The following IMMP2L variants were observed in gnomAD, a reference collection of about 807,000 sequenced individuals.
IMMP2L encodes inner mitochondrial membrane peptidase subunit 2, also known as mitochondrial inner membrane protease subunit 2.
IMMP2L carries 18 observed loss-of-function variants against 19.3 expected under a neutral mutation model. The ratio of observed to expected loss-of-function variants is 0.93; its 90% CI spans 0.64 to 1.38. The LOEUF (loss-of-function observed/expected upper bound fraction) is 1.38, where lower values mean the gene tolerates loss of function less well. IMMP2L is among the 40% of genes most tolerant of loss of function. IMMP2L has a pLI of 0.00. For synonymous variants in IMMP2L, 76 were observed against 73.0 expected (o/e 1.04, Z -0.21); for missense variants, 233 against 218.2 (o/e 1.07, Z -0.43).
At chr7:110,664,173 G>A (rs1277611568) in intron 5 of IMMP2L, among the ~76,000 whole-genome samples, 1 of 152,068 alleles carries the variant, frequency 6.6e-6, no homozygotes, top group Non-Finnish European at 1.5e-5. Flanking sequence ...TATTCTCAGA[G>A]TTTCCCGCAG....
rs532391355 is a variant in IMMP2L at position 111,189,016 on chromosome 7, T to C, written c.240-225451A>G. Among the ~76,000 whole-genome samples, 152 of 152,200 alleles carry C rather than the reference T, an allele frequency of 1.0e-3. 2 individuals are homozygous for C. The highest frequency in any genetic ancestry group is 3.5e-3 in the African/African-American group (147 of 41,516). On this transcript the variant is annotated intron_variant, in intron 3 of 5. Coordinates refer to ENST00000405709, the MANE Select transcript of IMMP2L (RefSeq NM_032549.4). ...ATTCCAATAGCATCAGCCAGCTCCA[T>C]TACTGCACCTACTAGTACCGTTGAG...
intron 3 of IMMP2L, among the ~76,000 whole-genome samples, chr7:111,342,182 A>G (rs996134360): frequency 5.3e-5 from 8 of 152,208 alleles, no homozygotes; most frequent in Admixed American, 1.3e-4. Flanking sequence ...TTTGGGAGGA[A>G]GGTTAGATTT....
intron 5 of IMMP2L, among the ~76,000 whole-genome samples, chr7:110,828,514 A>G (rs1181336515): frequency 6.6e-6 from 1 of 152,158 alleles, no homozygotes; most frequent in Non-Finnish European, 1.5e-5. Flanking sequence ...TTAAATTCCA[A>G]AGAATCACTG....
chr7:110,833,344 C>T (rs930564653), intron 5 of IMMP2L, among the ~76,000 whole-genome samples: 3 of 149,114 alleles, frequency 2.0e-5, no homozygotes, highest in African/African-American at 7.4e-5. Flanking sequence ...GAAGCTGAGG[C>T]AGGAGAATCG....
intron 3 of IMMP2L, among the ~76,000 whole-genome samples, chr7:111,309,417 A>T (rs1198509768): frequency 1.3e-5 from 2 of 152,188 alleles, no homozygotes; most frequent in East Asian, 3.8e-4. Context: ...AAGAAAACAG[A>T]GTGTGTGCTC....
chr7:111,281,196 AAG>A (rs1422484269), intron 3 of IMMP2L, among the ~76,000 whole-genome samples: 217 of 54,300 alleles, frequency 4.0e-3, no homozygotes, highest in Admixed American at 0.01. Context: ...GAAAGAAAGA[AAG>A]AAAGAAAGAA....
At chr7:111,217,296 G>A (rs932205093) in intron 3 of IMMP2L, among the ~76,000 whole-genome samples, 1 of 152,040 alleles carries the variant, frequency 6.6e-6, no homozygotes, top group Non-Finnish European at 1.5e-5. Flanking sequence ...AATAGAAGGA[G>A]AATCAATTCA....
At chr7:111,274,314 TTAAA>T (rs1316281407) in intron 3 of IMMP2L, among the ~76,000 whole-genome samples, 1 of 152,180 alleles carries the variant, frequency 6.6e-6, no homozygotes, top group Non-Finnish European at 1.5e-5. Flanking sequence ...AAAATGAGTC[TTAAA>T]TAAGATGCAC....
rs140572395 is a variant in IMMP2L at position 111,326,208 on chromosome 7, C to G, written c.239+161030G>C. Among the ~76,000 whole-genome samples the G allele has an allele frequency of 3.1e-3, 467 of 151,746 alleles. 3 individuals are homozygous for G. Among genetic ancestry groups the G allele is most frequent in the African/African-American group, 0.011 (437 of 41,476 alleles). On this transcript the variant is annotated intron_variant, in intron 3 of 5. Coordinates refer to ENST00000405709, the MANE Select transcript of IMMP2L (RefSeq NM_032549.4). ...GGTATTTTGAAGGCAATTAGTTCAT[C>G]ATAATACCTCAATTGAGATATAAAT...
chr7:111,493,809 C>T (rs1173356350), intron 2 of IMMP2L, among the ~76,000 whole-genome samples: 1 of 151,380 alleles, frequency 6.6e-6, no homozygotes, highest in Non-Finnish European at 1.5e-5. Context: ...AGATCGAGAT[C>T]ATCCTGGCTC....
chr7:110,834,935 C>T (rs1804302847), intron 5 of IMMP2L, among the ~76,000 whole-genome samples: 2 of 152,082 alleles, frequency 1.3e-5, no homozygotes, highest in African/African-American at 4.8e-5. Flanking sequence ...TGCCATGTAA[C>T]CAATCACCCT....
intron 5 of IMMP2L, among the ~76,000 whole-genome samples, chr7:110,690,893 G>T (rs749679084): frequency 2.6e-5 from 4 of 151,884 alleles, no homozygotes; most frequent in Non-Finnish European, 5.9e-5. Context: ...TGACCATACT[G>T]CCCAAAGCAA....
chr7:111,127,854 A>C (rs1801467851), intron 3 of IMMP2L, among the ~76,000 whole-genome samples: 1 of 152,214 alleles, frequency 6.6e-6, no homozygotes, highest in Non-Finnish European at 1.5e-5. Context: ...TATAATTGAT[A>C]CTACAAAATA....
At chr7:111,216,854 G>A (rs897920941) in intron 3 of IMMP2L, among the ~76,000 whole-genome samples, 6 of 152,044 alleles carry the variant, frequency 3.9e-5, no homozygotes, top group Middle Eastern at 3.2e-3. Context: ...ACTATATTCA[G>A]TCAATCACAT....
At chr7:111,177,981 A>G (rs1315155015) in intron 3 of IMMP2L, among the ~76,000 whole-genome samples, 1 of 152,058 alleles carries the variant, frequency 6.6e-6, no homozygotes, top group Non-Finnish European at 1.5e-5. Flanking sequence ...AAAAAAGAAA[A>G]TATCAAATAC....
intron 3 of IMMP2L, among the ~76,000 whole-genome samples, chr7:111,303,881 GA>G (rs1229680047): frequency 6.6e-6 from 1 of 151,824 alleles, no homozygotes; most frequent in African/African-American, 2.4e-5. Flanking sequence ...AGAGTTGAGG[GA>G]ACAACTACTA....
At chr7:111,224,697 T>A (rs531848753) in intron 3 of IMMP2L, among the ~76,000 whole-genome samples, 1 of 152,218 alleles carries the variant, frequency 6.6e-6, no homozygotes, top group African/African-American at 2.4e-5. Context: ...CAAAATTATT[T>A]TCATAATGAT....
At chr7:111,045,260 A>T (rs1476881) in intron 3 of IMMP2L, among the ~76,000 whole-genome samples, 1,868 of 152,316 alleles carry the variant, frequency 0.012, 13 homozygotes, top group Non-Finnish European at 0.017. Flanking sequence ...TGTCAGACTC[A>T]ATCCATTAGT....
In IMMP2L at chr7:111,446,312, A is replaced by T. The variant is rs1838404508; in HGVS notation, c.239+40926T>A. On this transcript the variant is annotated intron_variant, in intron 3 of 5. Coordinates refer to ENST00000405709, the MANE Select transcript of IMMP2L (RefSeq NM_032549.4). ...CTGCAGACTTAAATGTCCCTGTCTG[A>T]CAGCTTTGAAGAGAGCAGTGGTTCT... Among the ~76,000 whole-genome samples the T allele has an allele frequency of 2.0e-5, 3 of 146,732 alleles. No homozygotes were observed. In the South Asian group the frequency reaches 6.3e-4, roughly 31 times the overall value.
Sources: gnomAD v4.1 joint callset for allele counts (sites outside exome capture counted in the v4.1 genomes callset) on GRCh38, gnomAD v4.1.1 for gene constraint, MANE v1.5 for transcripts, NCBI Gene and HGNC (gene_info 2026-07-23, HGNC 2026-07-21) for gene names.